The following RANBP2 variants were observed in gnomAD, a reference collection of about 807,000 sequenced individuals.
RANBP2 encodes RAN binding protein 2.
RANBP2 carries 57 observed loss-of-function variants against 303.6 expected under a neutral mutation model. The ratio of observed to expected loss-of-function variants is 0.19; its 90% CI spans 0.15 to 0.23. The LOEUF (loss-of-function observed/expected upper bound fraction) is 0.23. Ranked by LOEUF, RANBP2 falls within the 10% of genes least tolerant of loss-of-function variation. RANBP2 has a pLI of 1.00. For missense variants in RANBP2, 3,138 were observed against 3,780.8 expected, an observed-to-expected ratio of 0.83 and a Z score of 4.46; for synonymous variants, 1,167 against 1,301.5, an observed-to-expected ratio of 0.90 and a Z score of 2.23.
At chr2:108,791,902 G>A in the RANBP2 span, 1 of 1,210,600 alleles carries the variant, frequency 8.3e-7, no homozygotes, top group Non-Finnish European at 1.1e-6. Flanking sequence ...CCAAGAGTTT[G>A]CATATTTCTG....
At chr2:109,431,420 A>G in the RANBP2 span, among the ~76,000 whole-genome samples, 2 of 152,314 alleles carry the variant, frequency 1.3e-5, no homozygotes, top group African/African-American at 2.4e-5. Context: ...CCAAATCCCA[A>G]AAGTAGCAGA....
chr2:109,647,544 C>T, the RANBP2 span, among the ~76,000 whole-genome samples: 1 of 152,032 alleles, frequency 6.6e-6, no homozygotes. Flanking sequence ...TCTCGGCTCA[C>T]TGCAATCTCC....
At chr2:109,704,523 C>A in the RANBP2 span, among the ~76,000 whole-genome samples, 1 of 149,796 alleles carries the variant, frequency 6.7e-6, no homozygotes, top group South Asian at 2.1e-4. Context: ...CAGAGAGAGA[C>A]CCTGTCTCAA....
At chr2:109,360,867 G>C in the RANBP2 span, among the ~76,000 whole-genome samples, 1 of 152,114 alleles carries the variant, frequency 6.6e-6, no homozygotes, top group Non-Finnish European at 1.5e-5. Context: ...AAAAAGCAGG[G>C]GCAGAGAGTA....
At chr2:109,371,671 T>C in the RANBP2 span, 4 of 1,613,800 alleles carry the variant, frequency 2.5e-6, no homozygotes, top group Non-Finnish European at 3.4e-6. Flanking sequence ...TTCCCGCTCC[T>C]GTACGTGGAG....
chr2:109,657,530 C>T, the RANBP2 span, among the ~76,000 whole-genome samples: 2 of 151,930 alleles, frequency 1.3e-5, no homozygotes, highest in East Asian at 3.9e-4. Context: ...TTTCTATATT[C>T]TCATAGAGAG....
chr2:108,906,379 G>A, the RANBP2 span: 1 of 1,614,128 alleles, frequency 6.2e-7, no homozygotes, highest in African/African-American at 1.3e-5. Context: ...CTGTGAAAAA[G>A]AGTCGAGAAT....
chr2:109,232,715 T>C, the RANBP2 span, among the ~76,000 whole-genome samples: 2 of 152,316 alleles, frequency 1.3e-5, no homozygotes, highest in African/African-American at 4.8e-5. Flanking sequence ...GGAAGCATCA[T>C]GGTGATGGAA....
chr2:109,352,820 G>T, the RANBP2 span, among the ~76,000 whole-genome samples: 9 of 152,348 alleles, frequency 5.9e-5, no homozygotes, highest in Non-Finnish European at 1.2e-4. Flanking sequence ...CACCCTCTTA[G>T]CCACTACAGA....
At chr2:109,020,802 AG>A in the RANBP2 span, among the ~76,000 whole-genome samples, 8 of 152,368 alleles carry the variant, frequency 5.3e-5, 1 homozygote, top group East Asian at 1.5e-3. Context: ...TAGCCAGTAT[AG>A]CTTTGTGAAA....
At chr2:109,363,932 G>C in the RANBP2 span, among the ~76,000 whole-genome samples, 1 of 152,070 alleles carries the variant, frequency 6.6e-6, no homozygotes, top group Non-Finnish European at 1.5e-5. Flanking sequence ...GCTATACCAA[G>C]GTGTCATTTT....
chr2:109,320,694 T>G, the RANBP2 span, among the ~76,000 whole-genome samples: 1 of 152,208 alleles, frequency 6.6e-6, no homozygotes, highest in Non-Finnish European at 1.5e-5. Context: ...GGCATTCCTC[T>G]TCTGTAAAGA....
chr2:109,641,133 A>G, the RANBP2 span, among the ~76,000 whole-genome samples: 16 of 151,172 alleles, frequency 1.1e-4, no homozygotes, highest in East Asian at 3.9e-4. Context: ...GGTTTTATTT[A>G]TTTGTTTGTT....
chr2:109,004,115 A>G, the RANBP2 span, among the ~76,000 whole-genome samples: 3 of 152,360 alleles, frequency 2.0e-5, no homozygotes, highest in African/African-American at 4.8e-5. Context: ...TTTTTGTAAA[A>G]TAACATAAAA....
the RANBP2 span, among the ~76,000 whole-genome samples, chr2:108,926,557 C>T: frequency 6.6e-6 from 1 of 152,220 alleles, no homozygotes; most frequent in East Asian, 1.9e-4. Flanking sequence ...CCCCCTGCCC[C>T]CGCCATCCAG....
chr2:109,683,949 C>T, the RANBP2 span, among the ~76,000 whole-genome samples: 7 of 123,336 alleles, frequency 5.7e-5, no homozygotes, highest in African/African-American at 1.9e-4. Context: ...AAGCAAAACC[C>T]TATTTTTTTT....
the RANBP2 span, among the ~76,000 whole-genome samples, chr2:109,649,500 C>G: frequency 3.8e-3 from 585 of 152,070 alleles, 3 homozygotes; most frequent in Non-Finnish European, 6.8e-3. Context: ...CGGGTTCAAG[C>G]GATTCTCCTG....
chr2:109,697,485 T>TAAA, the RANBP2 span, among the ~76,000 whole-genome samples: 2 of 139,380 alleles, frequency 1.4e-5, no homozygotes, highest in Admixed American at 7.2e-5. Flanking sequence ...AACTCTGTCT[T>TAAA]AAAAAAAAAA....
At chr2:109,470,381 A>G in the RANBP2 span, among the ~76,000 whole-genome samples, 1 of 152,162 alleles carries the variant, frequency 6.6e-6, no homozygotes, top group Admixed American at 6.5e-5. Flanking sequence ...CTGGATCTCA[A>G]CAAGTCCCTG....
Sources: gnomAD v4.1 joint callset for allele counts (sites outside exome capture counted in the v4.1 genomes callset) on GRCh38, gnomAD v4.1.1 for gene constraint, MANE v1.5 for transcripts, NCBI Gene and HGNC (gene_info 2026-07-23, HGNC 2026-07-21) for gene names.